UBXN4: variants seen among roughly 807,000 people sequenced by gnomAD.
UBXN4 encodes UBX domain-containing protein 4.
Under a neutral mutation model 66.2 loss-of-function variants are expected in UBXN4, and 35 were observed. The ratio of observed to expected loss-of-function variants is 0.53; its 90% confidence interval spans 0.40 to 0.70. The LOEUF (loss-of-function observed/expected upper bound fraction) is 0.70, where lower values mean the gene tolerates loss of function less well. Ranked by LOEUF, UBXN4 falls within the 30% of genes least tolerant of loss-of-function variation. The pLI is 0.00. For synonymous variants in UBXN4, 203 were observed against 204.5 expected, an observed-to-expected ratio of 0.99 and a Z score of 0.06; for missense variants, 533 against 599.8, an observed-to-expected ratio of 0.89 and a Z score of 1.16.
In UBXN4 at chr2:135,745,875, C is replaced by CTTTTTTTTTTTTTT. The variant is rs59946844; in HGVS notation, c.83-2384_83-2371dup. On this transcript the variant is annotated intron_variant, in intron 1 of 12. Coordinates refer to ENST00000272638, the MANE Select transcript of UBXN4 (RefSeq NM_014607.4). The stretch of plus-strand genomic sequence containing the variant: ...TGTGGATGCATTCTAGTCCCGTTTA[C>CTTTTTTTTTTTTTT]TTTTTTTTTTTTTTTTTTTTTGAGA... Among the ~76,000 whole-genome samples, 402 of 74,396 alleles carry CTTTTTTTTTTTTTT rather than the reference C, an allele frequency of 5.4e-3. 83 individuals are homozygous for CTTTTTTTTTTTTTT. The highest frequency in any genetic ancestry group is 0.018 in the Middle Eastern group (1 of 56). 48.8% of individuals were successfully genotyped at this position (74,396 alleles called of 152,430 possible).
chr2:135,780,954 G>C (rs556852349), intron 12 of UBXN4, among the ~76,000 whole-genome samples: 8 of 152,266 alleles, frequency 5.3e-5, no homozygotes, highest in Non-Finnish European at 1.0e-4. Context: ...GCCTGATGCA[G>C]TGGCTCACGC....
chr2:135,768,693 A>G (rs2077362836), intron 6 of UBXN4, among the ~76,000 whole-genome samples: 1 of 151,580 alleles, frequency 6.6e-6, no homozygotes, highest in Non-Finnish European at 1.5e-5. Flanking sequence ...CCTCCCGAGT[A>G]GCTGGGTTTA....
chr2:135,782,052 G>C (rs1251521615), intron 12 of UBXN4, among the ~76,000 whole-genome samples: 1 of 152,182 alleles, frequency 6.6e-6, no homozygotes, highest in Admixed American at 6.5e-5. Flanking sequence ...TCTAGCCTGG[G>C]CAACAGAGGG....
At chr2:135,779,390 G>T (rs2105509854) in intron 11 of UBXN4, among the ~76,000 whole-genome samples, 1 of 152,292 alleles carries the variant, frequency 6.6e-6, no homozygotes, top group Admixed American at 6.5e-5. Flanking sequence ...CACACTTAGT[G>T]TCTTTTATTT....
chr2:135,758,445 C>T (rs1448202947), intron 5 of UBXN4, among the ~76,000 whole-genome samples: 3 of 151,876 alleles, frequency 2.0e-5, no homozygotes, highest in African/African-American at 7.3e-5. Flanking sequence ...AACTCCTGTC[C>T]TCCAGTAATC....
intron 2 of UBXN4, among the ~76,000 whole-genome samples, chr2:135,752,500 A>G (rs2077249486): frequency 6.6e-6 from 1 of 152,048 alleles, no homozygotes; most frequent in South Asian, 2.1e-4. Flanking sequence ...TGATTGCATA[A>G]TTATTCAGTT....
At chr2:135,752,700 AGCTTGTGG>A (rs1335361065) in intron 2 of UBXN4, among the ~76,000 whole-genome samples, 1 of 152,160 alleles carries the variant, frequency 6.6e-6, no homozygotes, top group East Asian at 1.9e-4. Context: ...TGCAGCCACT[AGCTTGTGG>A]GTTGTAAGAG....
intron 1 of UBXN4, among the ~76,000 whole-genome samples, chr2:135,743,521 A>G (rs2077190245): frequency 6.6e-6 from 1 of 152,252 alleles, no homozygotes; most frequent in Admixed American, 6.5e-5. Flanking sequence ...GTCAGCAGTC[A>G]TAAAGTGACT....
chr2:135,780,503 A>G, intron 12 of UBXN4, 118 bp downstream of exon 12: 2 of 908,326 alleles, frequency 2.2e-6, no homozygotes, highest in Non-Finnish European at 3.4e-6. Context: ...CCCACGGTGG[A>G]GGAGAAAAAC....
intron 10 of UBXN4, among the ~76,000 whole-genome samples, chr2:135,777,890 AC>A (rs1335926097): frequency 2.1e-4 from 32 of 150,918 alleles, no homozygotes; most frequent in African/African-American, 7.3e-4. Flanking sequence ...CTCAAAAAAA[AC>A]AACAGGCTGG....
chr2:135,783,395 CTT>C lies in UBXN4; in HGVS notation c.*510_*511del, dbSNP rs1363563690. 2.0e-5 allele frequency: 3 copies of C among 152,254 alleles called. No individual in the cohort carries two copies. The highest frequency in any genetic ancestry group is 4.4e-5 in the Non-Finnish European group (3 of 68,080). 9.4% of individuals were successfully genotyped at this position (152,254 alleles called of 1,614,324 possible). On this transcript the variant is annotated 3_prime_UTR_variant, in exon 13 of 13. Coordinates refer to ENST00000272638, the MANE Select transcript of UBXN4 (RefSeq NM_014607.4). Reference sequence around the variant, plus strand: ...TAATCTTAAACACTGAATAAAAAAACTTTCCCCTAAATTGGAATGATCTTAGT... The same window carrying C: ...TAATCTTAAACACTGAATAAAAAAACTCCCCTAAATTGGAATGATCTTAGT...
At chr2:135,745,455 C>T (rs1015550000) in intron 1 of UBXN4, among the ~76,000 whole-genome samples, 1 of 152,054 alleles carries the variant, frequency 6.6e-6, no homozygotes, top group South Asian at 2.1e-4. Context: ...ACTGTAATTA[C>T]GTATAGTGTC....
intron 5 of UBXN4, among the ~76,000 whole-genome samples, chr2:135,761,510 C>G (rs911809827): frequency 7.2e-5 from 11 of 152,228 alleles, no homozygotes; most frequent in African/African-American, 2.7e-4. Flanking sequence ...TTGGAGGGCA[C>G]TGCTCTAGAG....
intron 4 of UBXN4, 53 bp downstream of exon 4, chr2:135,754,330 T>C: frequency 7.0e-7 from 1 of 1,434,512 alleles, no homozygotes; most frequent in Non-Finnish European, 9.7e-7. Flanking sequence ...GGAATTGGAT[T>C]TTTTTTTTTG....
At chr2:135,770,112 C>G (rs2077374049) in intron 7 of UBXN4, among the ~76,000 whole-genome samples, 1 of 152,044 alleles carries the variant, frequency 6.6e-6, no homozygotes, top group Non-Finnish European at 1.5e-5. Context: ...TGAGGTTGAA[C>G]AAAGTTTTAG....
Position 135,784,540 on chromosome 2 carries a change from T to G in UBXN4, c.*1653T>G, listed in dbSNP as rs935288842. Reference sequence around the variant, plus strand: ...ATTTTAGTGGTATTTTTGGCACCCTTATATATGTTTTCCAAACTTTCAGCA... The same window carrying G: ...ATTTTAGTGGTATTTTTGGCACCCTGATATATGTTTTCCAAACTTTCAGCA... On this transcript the variant is annotated 3_prime_UTR_variant, in exon 13 of 13. Transcript: ENST00000272638. 2 of 152,532 alleles carry G rather than the reference T, an allele frequency of 1.3e-5. No individual in the cohort carries two copies. Among genetic ancestry groups the G allele is most frequent in the African/African-American group, 4.8e-5 (2 of 41,434 alleles). 9.4% of individuals were successfully genotyped at this position (152,532 alleles called of 1,614,324 possible). A position where few individuals can be genotyped will look rare whatever the true frequency, so the allele number is the denominator to read the frequency against.
intron 6 of UBXN4, among the ~76,000 whole-genome samples, chr2:135,764,240 T>G (rs1437732174): frequency 2.0e-5 from 3 of 152,222 alleles, no homozygotes; most frequent in East Asian, 3.8e-4. Context: ...AAGACCATGT[T>G]TTTGGAAAAC....
chr2:135,772,464 A>G lies in UBXN4; in HGVS notation c.867A>G (p.Glu289=). ...CTCGTTTTGCAAAGACAAAGGAAGA[A>G]GTAGAGGCTGCCAAAGCTGCTGCCT... ...RAARFAKTKE[E]VEAAKAAALL... Residue 289 remains glutamate (E), a synonymous_variant, in exon 9 of 13, where the codon GAA becomes GAG. Transcript: ENST00000272638. 4.3e-6 allele frequency: 7 copies of G among 1,614,182 alleles called. No homozygotes were observed. Among genetic ancestry groups the G allele is most frequent in the Non-Finnish European group, 4.2e-6 (5 of 1,180,008 alleles).
At chr2:135,769,637 A>AAAT in intron 6 of UBXN4, 132 bp from the exon 7 acceptor site, 1 of 634,310 alleles carries the variant, frequency 1.6e-6, no homozygotes, top group Non-Finnish European at 2.4e-6. Flanking sequence ...CCAGGCAGAT[A>AAAT]AATAGTTGCT....
Sources: allele counts gnomAD v4.1 joint callset (sites outside exome capture counted in the v4.1 genomes callset), GRCh38; gene constraint gnomAD v4.1.1; transcripts MANE v1.5; gene names NCBI Gene and HGNC (gene_info 2026-07-23, HGNC 2026-07-21).